Variants in SLC22A23 observed in about 807,000 individuals in gnomAD.
SLC22A23 encodes ion transporter protein.
Under a neutral mutation model 61.0 loss-of-function variants are expected in SLC22A23, and 26 were observed. The ratio of observed to expected loss-of-function variants is 0.43; its 90% CI spans 0.31 to 0.59. The LOEUF (loss-of-function observed/expected upper bound fraction) is 0.59. Ranked by LOEUF, SLC22A23 falls within the 20% of genes least tolerant of loss-of-function variation. The probability of loss-of-function intolerance (pLI) is 0.11; values close to 1 mark genes in which losing one functional copy is unlikely to be tolerated. For synonymous variants in SLC22A23, 430 were observed against 413.9 expected, an observed-to-expected ratio of 1.04 and a Z score of -0.47; for missense variants, 796 against 934.7, an observed-to-expected ratio of 0.85 and a Z score of 1.94.
intron 3 of SLC22A23, among the ~76,000 whole-genome samples, chr6:3,369,306 A>G (rs1219114146): frequency 1.3e-5 from 2 of 152,202 alleles, no homozygotes; most frequent in Non-Finnish European, 2.9e-5. Context: ...AAAGGTCACC[A>G]TCACCTCCTT....
At chr6:3,344,178 T>C (rs1221451935) in intron 3 of SLC22A23, among the ~76,000 whole-genome samples, 1 of 152,222 alleles carries the variant, frequency 6.6e-6, no homozygotes. Context: ...CTGGCCACAC[T>C]TCAAGTGTTC....
chr6:3,435,372 C>T (rs368545444), intron 1 of SLC22A23, among the ~76,000 whole-genome samples: 6 of 151,946 alleles, frequency 3.9e-5, no homozygotes, highest in African/African-American at 7.3e-5. Flanking sequence ...TTCCCCTCTC[C>T]GTCTCCCTTT....
chr6:3,340,968 G>A (rs1764120054), intron 3 of SLC22A23, among the ~76,000 whole-genome samples: 1 of 152,196 alleles, frequency 6.6e-6, no homozygotes, highest in Non-Finnish European at 1.5e-5. Context: ...CATAACCTTT[G>A]GCATTCCCAT....
intron 7 of SLC22A23, 60 bp from the exon 8 acceptor site, chr6:3,285,171 AAG>A: frequency 6.2e-7 from 1 of 1,603,728 alleles, no homozygotes; most frequent in South Asian, 1.1e-5. Context: ...GAGAAGAGAG[AAG>A]AGAGCACATT....
intron 4 of SLC22A23, among the ~76,000 whole-genome samples, chr6:3,305,532 A>T (rs1207850153): frequency 6.6e-6 from 1 of 152,224 alleles, no homozygotes; most frequent in Non-Finnish European, 1.5e-5. Flanking sequence ...AAGCCCAGAG[A>T]TGGTTGTTTT....
chr6:3,443,138 G>T (rs1005823916), intron 1 of SLC22A23, among the ~76,000 whole-genome samples: 3 of 152,230 alleles, frequency 2.0e-5, no homozygotes, highest in Admixed American at 1.3e-4. Flanking sequence ...TACAATGGAG[G>T]AGAGGCAGAG....
At chr6:3,364,889 G>A (rs547829193) in intron 3 of SLC22A23, among the ~76,000 whole-genome samples, 1 of 152,320 alleles carries the variant, frequency 6.6e-6, no homozygotes, top group African/African-American at 2.4e-5. Context: ...CTCTGGCGGT[G>A]TGGTGGAGAG....
At chr6:3,332,896 T>C (rs997318689) in intron 3 of SLC22A23, among the ~76,000 whole-genome samples, 1 of 152,196 alleles carries the variant, frequency 6.6e-6, no homozygotes, top group Non-Finnish European at 1.5e-5. Flanking sequence ...GCTGGTTTTA[T>C]GTGACTGTCC....
rs1340563518 is a variant in SLC22A23, at chr6:3,410,392, G to A, written c.759-50C>T. On this transcript the variant is annotated intron_variant, in intron 2 of 9. Coordinates refer to ENST00000406686, the MANE Select transcript of SLC22A23 (RefSeq NM_015482.2). The surrounding 1 kb of genome is among the most constrained non-coding windows in gnomAD (Gnocchi z 5.0). Reference sequence around the variant, plus strand: ...AGGAATCATTGTGAAACAAGACAATGACGCTAGATGCTGAAACCCGGTGTC... The same window carrying A: ...AGGAATCATTGTGAAACAAGACAATAACGCTAGATGCTGAAACCCGGTGTC... 23 of 1,516,338 alleles carry A rather than the reference G, an allele frequency of 1.5e-5. No homozygotes were observed. The highest frequency in any genetic ancestry group is 2.8e-5 in the African/African-American group (2 of 71,764). 93.9% of individuals were successfully genotyped at this position (1,516,338 alleles called of 1,614,324 possible).
rs895009735 is a variant in SLC22A23, at chr6:3,414,316, C to T, written c.758+1436G>A. Among the ~76,000 whole-genome samples the T allele has an allele frequency of 1.3e-5, 2 of 152,070 alleles. No individual in the cohort carries two copies. Among genetic ancestry groups the T allele is most frequent in the African/African-American group, 4.8e-5 (2 of 41,392 alleles). ...AGACCAATATAGCCCACACTAGAAA[C>T]CTATGAACTCAAGTATTTGGTTTAA... is the stretch of plus-strand genomic sequence containing the variant. On this transcript the variant is annotated intron_variant, in intron 2 of 9. Transcript: ENST00000406686. This position sits in a 1 kb window ranked among gnomAD's most constrained non-coding sequence, Gnocchi z 5.1.
intron 1 of SLC22A23, among the ~76,000 whole-genome samples, chr6:3,447,897 CTT>C (rs56148243): frequency 3.6e-5 from 3 of 82,376 alleles, no homozygotes; most frequent in East Asian, 3.9e-4. Flanking sequence ...CTCTCTCTCT[CTT>C]TTTTTTTTTT....
At chr6:3,392,197 A>G (rs1226745685) in intron 3 of SLC22A23, among the ~76,000 whole-genome samples, 2 of 152,182 alleles carry the variant, frequency 1.3e-5, no homozygotes, top group African/African-American at 2.4e-5. Flanking sequence ...AGTGGTACCC[A>G]TGACTTCTGA....
chr6:3,307,486 A>G (rs1235252048), intron 4 of SLC22A23, among the ~76,000 whole-genome samples: 1 of 152,242 alleles, frequency 6.6e-6, no homozygotes, highest in African/African-American at 2.4e-5. Context: ...GCAGAACCCA[A>G]CTGGGATACC....
chr6:3,301,506 G>A (rs1761606138), intron 4 of SLC22A23, among the ~76,000 whole-genome samples: 1 of 152,190 alleles, frequency 6.6e-6, no homozygotes, highest in South Asian at 2.1e-4. Context: ...GGAAATTTGT[G>A]TCCTTTCAAA....
intron 4 of SLC22A23, among the ~76,000 whole-genome samples, chr6:3,316,236 T>C (rs1762631799): frequency 6.6e-6 from 1 of 152,240 alleles, no homozygotes; most frequent in Admixed American, 6.5e-5. Context: ...TTTTCATTTA[T>C]TGGTTCCCCC....
rs1228439492 is a variant in SLC22A23 at position 3,286,383 on chromosome 6, A to G, written c.1546+476T>C. Among the ~76,000 whole-genome samples, 1 of 152,200 alleles carries G rather than the reference A, an allele frequency of 6.6e-6. No individual in the cohort carries two copies. Among genetic ancestry groups the G allele is most frequent in the African/African-American group, 2.4e-5 (1 of 41,450 alleles). ...CCAAAGTGCTGGGATTACAGGCGTG[A>G]GCCACCGCACCCGGCCAGATTATTT... On this transcript the variant is annotated intron_variant, in intron 7 of 9. Coordinates refer to ENST00000406686, the MANE Select transcript of SLC22A23 (RefSeq NM_015482.2). This position sits in a 1 kb window ranked among gnomAD's most constrained non-coding sequence, Gnocchi z 4.2.
chr6:3,321,650 G>A (rs985569795), intron 4 of SLC22A23, among the ~76,000 whole-genome samples: 1 of 152,238 alleles, frequency 6.6e-6, no homozygotes, highest in African/African-American at 2.4e-5. Context: ...AGTTGCTCTG[G>A]AAAGACCTTC....
chr6:3,369,821 C>G (rs1239637680), intron 3 of SLC22A23, among the ~76,000 whole-genome samples: 3 of 152,202 alleles, frequency 2.0e-5, no homozygotes, highest in Non-Finnish European at 4.4e-5. Context: ...TGTGCACACG[C>G]ACATGTAAAC....
chr6:3,281,019 T>C (rs34938980), intron 9 of SLC22A23, among the ~76,000 whole-genome samples: 12,544 of 152,180 alleles, frequency 0.082, 1,298 homozygotes, highest in African/African-American at 0.24. Context: ...GCGGGTGTCA[T>C]GATCACCAGC....
Sources: gnomAD v4.1 joint callset for allele counts (sites outside exome capture counted in the v4.1 genomes callset) on GRCh38, gnomAD v4.1.1 for gene constraint, Gnocchi (gnomAD v3.1) non-coding constraint, MANE v1.5 for transcripts, NCBI Gene and HGNC (gene_info 2026-07-23, HGNC 2026-07-21) for gene names.